The following MALRD1 variants were observed in gnomAD, a reference collection of about 807,000 sequenced individuals.
The protein encoded by MALRD1 is MAM and LDL-receptor class A domain-containing protein 1.
MALRD1 carries 247 observed loss-of-function variants against 242.1 expected under a neutral mutation model. The observed-to-expected ratio is 1.02, with a 90% CI of 0.92 to 1.13. The LOEUF is 1.13. Among genes scored for constraint, MALRD1 ranks in the 50% most tolerant of loss-of-function variants. The pLI is 0.00. For missense variants in MALRD1, 2,989 were observed against 2,533.1 expected, an observed-to-expected ratio of 1.18 and a Z score of -3.86; for synonymous variants, 995 against 866.6, an observed-to-expected ratio of 1.15 and a Z score of -2.60.
chr10:19,539,929 G>C (rs541810379), intron 32 of MALRD1, among the ~76,000 whole-genome samples: 336 of 139,034 alleles, frequency 2.4e-3, no homozygotes, highest in African/African-American at 8.2e-3. Flanking sequence ...CACGCGCAGT[G>C]ATGGGGTTTT....
At chr10:19,718,990 C>T (rs911901666) in intron 38 of MALRD1, among the ~76,000 whole-genome samples, 4 of 149,986 alleles carry the variant, frequency 2.7e-5, no homozygotes, top group African/African-American at 4.9e-5. Context: ...GAGCTCATCT[C>T]GGCAGAACAA....
intron 11 of MALRD1, among the ~76,000 whole-genome samples, chr10:19,149,999 C>T (rs1381908870): frequency 6.6e-6 from 1 of 152,214 alleles, no homozygotes; most frequent in Admixed American, 6.5e-5. Flanking sequence ...ATCCATGTCG[C>T]TGGCTTCAGC....
chr10:19,639,824 A>C (rs548825417), intron 36 of MALRD1, among the ~76,000 whole-genome samples: 1 of 152,314 alleles, frequency 6.6e-6, no homozygotes, highest in East Asian at 1.9e-4. Flanking sequence ...TTCAGTCACC[A>C]TTAATTAAAC....
chr10:19,293,543 A>G (rs1841549290), intron 21 of MALRD1, among the ~76,000 whole-genome samples: 1 of 152,236 alleles, frequency 6.6e-6, no homozygotes, highest in Non-Finnish European at 1.5e-5. Context: ...ATTCAAAGAT[A>G]TTTTATCTGG....
At chr10:19,560,634 A>G (rs1232674832) in intron 32 of MALRD1, among the ~76,000 whole-genome samples, 2 of 152,212 alleles carry the variant, frequency 1.3e-5, no homozygotes, top group Admixed American at 6.5e-5. Flanking sequence ...ATGTAGCCAT[A>G]AAAAAGGATG....
chr10:19,128,919 T>A (rs1297455289), intron 8 of MALRD1, among the ~76,000 whole-genome samples: 1 of 152,028 alleles, frequency 6.6e-6, no homozygotes, highest in African/African-American at 2.4e-5. Context: ...GCTGGGTGAG[T>A]ACTCCAATTA....
At chr10:19,431,748 C>G (rs1262570318) in intron 28 of MALRD1, among the ~76,000 whole-genome samples, 1 of 152,122 alleles carries the variant, frequency 6.6e-6, no homozygotes, top group Non-Finnish European at 1.5e-5. Context: ...CCCCACCCCT[C>G]AGGGAAGACA....
At chr10:19,627,908 A>G (rs1269390693) in intron 36 of MALRD1, among the ~76,000 whole-genome samples, 2 of 152,152 alleles carry the variant, frequency 1.3e-5, no homozygotes, top group African/African-American at 4.8e-5. Flanking sequence ...CTAGACACAC[A>G]TTATTTACAG....
rs982817616 is a variant in MALRD1, at chr10:19,048,879, G to A, written c.-60G>A. 1.5e-5 allele frequency: 18 copies of A among 1,165,220 alleles called. No homozygotes were observed. Among genetic ancestry groups the A allele is most frequent in the Admixed American group, 8.5e-5 (2 of 23,630 alleles). The allele number at this position is 1,165,220 out of a possible 1,614,324, so 72.2% of individuals were successfully genotyped here. ...AGGAAGAATAGAGAAATAAAAGAAT[G>A]TTTCCAATGATGGACTTACTTATTA... On this transcript the variant is annotated 5_prime_UTR_variant, in exon 1 of 40. An upstream start codon of the reference 5' UTR is lost. Coordinates refer to ENST00000454679, the MANE Select transcript of MALRD1 (RefSeq NM_001142308.3).
At chr10:19,498,777 A>T in intron 31 of MALRD1, 131 bp downstream of exon 31, 1 of 1,092,762 alleles carries the variant, frequency 9.2e-7, no homozygotes, top group Non-Finnish European at 1.3e-6. Context: ...TTATGGAAAG[A>T]GGGCTAGTCT....
At chr10:19,718,044 A>G (rs1458286366) in intron 38 of MALRD1, among the ~76,000 whole-genome samples, 3 of 150,896 alleles carry the variant, frequency 2.0e-5, no homozygotes, top group Non-Finnish European at 4.4e-5. Context: ...AGGAAGAAGA[A>G]GAGGAAGAAG....
At chr10:19,595,676 ATCT>A (rs1324274752) in intron 34 of MALRD1, among the ~76,000 whole-genome samples, 1 of 152,112 alleles carries the variant, frequency 6.6e-6, no homozygotes, top group Non-Finnish European at 1.5e-5. Flanking sequence ...TGTTAAACCT[ATCT>A]TTTTCCTTTT....
chr10:19,659,086 T>TAA (rs1177191825), intron 36 of MALRD1, among the ~76,000 whole-genome samples: 3 of 152,158 alleles, frequency 2.0e-5, no homozygotes, highest in African/African-American at 7.2e-5. Context: ...GCCATCAGGG[T>TAA]TATTTTAGGA....
chr10:19,301,801 A>G (rs1841961020), intron 21 of MALRD1, among the ~76,000 whole-genome samples: 1 of 151,778 alleles, frequency 6.6e-6, no homozygotes, highest in Non-Finnish European at 1.5e-5. Context: ...TTGTACATCA[A>G]ACCTCAGTGA....
intron 29 of MALRD1, among the ~76,000 whole-genome samples, chr10:19,480,317 G>A (rs1290722267): frequency 6.6e-6 from 1 of 152,094 alleles, no homozygotes; most frequent in Non-Finnish European, 1.5e-5. Flanking sequence ...ACAGGTTGTG[G>A]TTGTAGACAT....
At chr10:19,316,915 A>G (rs1842729413) in intron 21 of MALRD1, among the ~76,000 whole-genome samples, 2 of 151,826 alleles carry the variant, frequency 1.3e-5, no homozygotes, top group East Asian at 1.9e-4. Context: ...AACTAAAGGA[A>G]TATGATTAGA....
chr10:19,071,829 CCT>C (rs748610562), intron 2 of MALRD1, among the ~76,000 whole-genome samples: 19 of 152,204 alleles, frequency 1.2e-4, no homozygotes, highest in Non-Finnish European at 2.4e-4. Context: ...GTTTCTGCAG[CCT>C]CTGTCTGAAT....
At chr10:19,656,198 C>T (rs1841146093) in intron 36 of MALRD1, among the ~76,000 whole-genome samples, 1 of 152,108 alleles carries the variant, frequency 6.6e-6, no homozygotes, top group Admixed American at 6.6e-5. Flanking sequence ...GATATCTTAA[C>T]CCAAATAGAA....
chr10:19,287,539 T>G (rs1841184504), intron 21 of MALRD1, among the ~76,000 whole-genome samples: 1 of 152,102 alleles, frequency 6.6e-6, no homozygotes, highest in African/African-American at 2.4e-5. Context: ...ATTAATAGTT[T>G]TCTTATCTTT....
Sources: allele counts gnomAD v4.1 joint callset (sites outside exome capture counted in the v4.1 genomes callset), GRCh38; gene constraint gnomAD v4.1.1; transcripts MANE v1.5; gene names NCBI Gene and HGNC (gene_info 2026-07-23, HGNC 2026-07-21).